FBXO4: variants seen among roughly 807,000 people sequenced by gnomAD.
The protein encoded by FBXO4 is F-box only protein 4.
Under a neutral mutation model 43.7 loss-of-function variants are expected in FBXO4, and 36 were observed. The observed-to-expected ratio is 0.82, with a 90% CI of 0.63 to 1.09. The LOEUF is 1.09. Among genes scored for constraint, FBXO4 ranks in the 50% least tolerant of loss-of-function variants. The probability of loss-of-function intolerance (pLI) is 0.00; values close to 1 mark genes in which losing one functional copy is unlikely to be tolerated. For missense variants in FBXO4, 435 were observed against 474.1 expected, an observed-to-expected ratio of 0.92 and a Z score of 0.77; for synonymous variants, 180 against 165.6, an observed-to-expected ratio of 1.09 and a Z score of -0.67.
intron 5 of FBXO4, chr5:41,934,801 A>C (rs1183067982): frequency 1.5e-5 from 15 of 996,762 alleles, no homozygotes; most frequent in Non-Finnish European, 1.8e-5. Flanking sequence ...TTAGTTGAGA[A>C]CACTATTCAT....
chr5:42,008,450 A>G, the FBXO4 span, among the ~76,000 whole-genome samples: 3 of 152,022 alleles, frequency 2.0e-5, no homozygotes, highest in Admixed American at 6.6e-5. Flanking sequence ...ATTTGTTTTG[A>G]TATGCACCAT....
chr5:42,024,477 A>T, the FBXO4 span, among the ~76,000 whole-genome samples: 1 of 151,996 alleles, frequency 6.6e-6, no homozygotes, highest in Non-Finnish European at 1.5e-5. Flanking sequence ...AGATGTTTTG[A>T]TACAGGCATG....
chr5:41,926,325 G>A (rs1307663064), intron 1 of FBXO4, among the ~76,000 whole-genome samples: 1 of 152,160 alleles, frequency 6.6e-6, no homozygotes, highest in African/African-American at 2.4e-5. Flanking sequence ...TGTAATCCCA[G>A]CACTTTGGGA....
chr5:41,933,917 G>C lies in FBXO4; in HGVS notation c.647-29G>C, dbSNP rs745717635. 1.3e-5 allele frequency: 20 copies of C among 1,570,442 alleles called. No homozygotes were observed. In the East Asian group the frequency reaches 4.0e-4, roughly 32 times the overall value. ...CTTTTGCTATTTTTATTAATGATTT[G>C]TTTTGGTAACTGTGATTTTCTTTCT... On this transcript the variant is annotated intron_variant, in intron 3 of 6. Transcript: ENST00000281623.
chr5:41,934,131 A>G lies in FBXO4; in HGVS notation c.723-2A>G, dbSNP rs201909279. On this transcript the variant is annotated splice_acceptor_variant, in intron 4 of 6. Coordinates refer to ENST00000281623, the MANE Select transcript of FBXO4 (RefSeq NM_012176.3). LOFTEE classifies it high-confidence loss of function. ...ATTCTGTCTTTACAATTTTTTTTCT[A>G]GAAAGGAAAGAGATAGAGCAAGGGA... The G allele has an allele frequency of 4.3e-6, 7 of 1,613,378 alleles. No homozygotes were observed. Among genetic ancestry groups the G allele is most frequent in the Non-Finnish European group, 3.4e-6 (4 of 1,179,822 alleles).
intron 6 of FBXO4, among the ~76,000 whole-genome samples, 170 bp downstream of exon 6, chr5:41,939,786 T>C (rs575699193): frequency 5.9e-4 from 90 of 151,844 alleles, no homozygotes; most frequent in Non-Finnish European, 1.1e-3. Flanking sequence ...AGCTGATCAA[T>C]TGTGTCTTAC....
chr5:41,979,450 A>G, the FBXO4 span, among the ~76,000 whole-genome samples: 9 of 152,178 alleles, frequency 5.9e-5, no homozygotes, highest in Non-Finnish European at 1.0e-4. Flanking sequence ...TCTCAAAACT[A>G]TACCCCCTCA....
the FBXO4 span, among the ~76,000 whole-genome samples, chr5:42,019,309 A>G: frequency 6.6e-6 from 1 of 152,218 alleles, no homozygotes; most frequent in Non-Finnish European, 1.5e-5. Context: ...TATAGATTAC[A>G]TGATGAAATA....
chr5:41,974,149 C>A, the FBXO4 span, among the ~76,000 whole-genome samples: 1 of 152,048 alleles, frequency 6.6e-6, no homozygotes, highest in Non-Finnish European at 1.5e-5. Flanking sequence ...TCTTCTTTGT[C>A]TTTTGCTTTC....
At chr5:41,999,509 A>G in the FBXO4 span, among the ~76,000 whole-genome samples, 8,337 of 66,020 alleles carry the variant, frequency 0.13, 390 homozygotes, top group South Asian at 0.19. Context: ...ATATATGTGT[A>G]TATATATATA....
At chr5:41,949,318 C>T in the FBXO4 span, among the ~76,000 whole-genome samples, 1 of 152,276 alleles carries the variant, frequency 6.6e-6, no homozygotes, top group Admixed American at 6.5e-5. Flanking sequence ...GTTAGAAAAC[C>T]TCATCGTCTC....
chr5:41,949,812 C>G, the FBXO4 span, among the ~76,000 whole-genome samples: 2 of 152,180 alleles, frequency 1.3e-5, no homozygotes, highest in Non-Finnish European at 1.5e-5. Context: ...TGACTTCAAA[C>G]TATACTACAA....
chr5:41,948,499 A>G, the FBXO4 span, among the ~76,000 whole-genome samples: 2 of 152,058 alleles, frequency 1.3e-5, no homozygotes, highest in African/African-American at 2.4e-5. Flanking sequence ...TTTGTTTATC[A>G]TAGTCTATCT....
chr5:41,938,381 G>C (rs1751906141), intron 5 of FBXO4, among the ~76,000 whole-genome samples: 2 of 152,060 alleles, frequency 1.3e-5, no homozygotes, highest in Admixed American at 6.5e-5. Flanking sequence ...GCCAGTAGTG[G>C]ATATAAAATG....
At chr5:42,001,961 T>C in the FBXO4 span, among the ~76,000 whole-genome samples, 2 of 152,210 alleles carry the variant, frequency 1.3e-5, no homozygotes, top group Non-Finnish European at 1.5e-5. Flanking sequence ...TCTCCCAAAG[T>C]GCTGATAACA....
the FBXO4 span, among the ~76,000 whole-genome samples, chr5:41,959,797 A>C: frequency 6.6e-6 from 1 of 152,136 alleles, no homozygotes; most frequent in Non-Finnish European, 1.5e-5. Context: ...AGGTAGTGTG[A>C]TGCCTCCTGC....
chr5:41,954,863 A>G, the FBXO4 span, among the ~76,000 whole-genome samples: 2 of 152,222 alleles, frequency 1.3e-5, no homozygotes, highest in African/African-American at 4.8e-5. Flanking sequence ...TAAATATGAA[A>G]CTGATAGATA....
chr5:42,022,275 GAACATGCC>G, the FBXO4 span, among the ~76,000 whole-genome samples: 1 of 152,090 alleles, frequency 6.6e-6, no homozygotes, highest in Non-Finnish European at 1.5e-5. Flanking sequence ...AGCCCTGAAG[GAACATGCC>G]AATTCATATG....
chr5:41,967,054 T>TAA, the FBXO4 span: 1 of 262,610 alleles, frequency 3.8e-6, no homozygotes, highest in Admixed American at 4.9e-5. Flanking sequence ...GTGGAAAAAA[T>TAA]AAAAAAAAAT....
Sources: allele counts gnomAD v4.1 joint callset (sites outside exome capture counted in the v4.1 genomes callset), GRCh38; gene constraint gnomAD v4.1.1; transcripts MANE v1.5; gene names NCBI Gene and HGNC (gene_info 2026-07-23, HGNC 2026-07-21).